The following IGF2BP2 variants were observed in gnomAD, a reference collection of about 807,000 sequenced individuals.
IGF2BP2 encodes insulin-like growth factor 2 mRNA-binding protein 2.
IGF2BP2 carries 17 observed loss-of-function variants against 75.8 expected under a neutral mutation model. The observed-to-expected ratio is 0.22, with a 90% CI of 0.15 to 0.34. The LOEUF is 0.34. Ranked by LOEUF, IGF2BP2 falls within the 10% of genes least tolerant of loss-of-function variation. The pLI, the probability that IGF2BP2 is intolerant of heterozygous loss-of-function variation, is 1.00. For synonymous variants in IGF2BP2, 288 were observed against 295.6 expected (o/e 0.97, Z 0.26); for missense variants, 516 against 772.4 (o/e 0.67, Z 3.93).
At chr3:185,750,683 G>A (rs1180713699) in intron 2 of IGF2BP2, among the ~76,000 whole-genome samples, 2 of 152,178 alleles carry the variant, frequency 1.3e-5, no homozygotes, top group South Asian at 2.1e-4. Flanking sequence ...AAAAGATTAC[G>A]TGCAATCCTC....
Position 185,652,089 on chromosome 3 carries a change from C to A in IGF2BP2, c.1461+5G>T. The A allele has an allele frequency of 6.2e-7, 1 of 1,611,680 alleles. No individual in the cohort carries two copies. The highest frequency in any genetic ancestry group is 8.5e-7 in the Non-Finnish European group (1 of 1,178,412). ...TGCAGGGCTGAGGTGTCCCTTGGCA[C>A]TAACCTTGAACTGGGCTTCCGGTGG... is the stretch of plus-strand genomic sequence containing the variant. On this transcript the variant is annotated splice_donor_5th_base_variant and intron_variant, in intron 13 of 15. Coordinates refer to ENST00000382199, the MANE Select transcript of IGF2BP2 (RefSeq NM_006548.6).
intron 2 of IGF2BP2, chr3:185,724,403 T>TC (rs1469883053): frequency 6.6e-6 from 1 of 152,176 alleles, no homozygotes; most frequent in Non-Finnish European, 1.5e-5. Flanking sequence ...ATAACTGCTA[T>TC]CCCTTTTTTC....
intron 9 of IGF2BP2, among the ~76,000 whole-genome samples, chr3:185,674,801 A>G (rs1438274510): frequency 6.6e-6 from 1 of 152,058 alleles, no homozygotes; most frequent in Admixed American, 6.6e-5. Context: ...GCTGTTTTAC[A>G]TAATTGTAAA....
intron 11 of IGF2BP2, among the ~76,000 whole-genome samples, chr3:185,658,053 C>A (rs1715735812): frequency 6.6e-6 from 1 of 152,176 alleles, no homozygotes. Flanking sequence ...GCCAACAGCA[C>A]GTGCTCATCT....
chr3:185,668,783 AGAT>A (rs1362727850), intron 10 of IGF2BP2, among the ~76,000 whole-genome samples: 9 of 152,088 alleles, frequency 5.9e-5, no homozygotes, highest in South Asian at 2.1e-4. Flanking sequence ...TGAAATAAAA[AGAT>A]GATAACAGCA....
chr3:185,820,952 C>G, intron 2 of IGF2BP2: 4 of 1,507,548 alleles, frequency 2.7e-6, no homozygotes, highest in Non-Finnish European at 3.5e-6. Context: ...AAATGCAACA[C>G]AAGAACACCA....
At chr3:185,756,609 T>C (rs1365803127) in intron 2 of IGF2BP2, among the ~76,000 whole-genome samples, 3 of 152,194 alleles carry the variant, frequency 2.0e-5, no homozygotes, top group Non-Finnish European at 4.4e-5. Flanking sequence ...AGCTCTTAAC[T>C]GGCCTCCCAT....
intron 2 of IGF2BP2, among the ~76,000 whole-genome samples, chr3:185,725,792 T>G (rs1727238611): frequency 6.6e-6 from 1 of 152,080 alleles, no homozygotes; most frequent in Non-Finnish European, 1.5e-5. Context: ...GGCAACATAT[T>G]GAGACCCCAA....
At chr3:185,667,470 T>C (rs1171527511) in intron 10 of IGF2BP2, among the ~76,000 whole-genome samples, 1 of 152,142 alleles carries the variant, frequency 6.6e-6, no homozygotes, top group East Asian at 1.9e-4. Flanking sequence ...CTGGGCAACA[T>C]AGCACGGTCT....
At chr3:185,710,152 ATTTTT>A (rs567527407) in intron 2 of IGF2BP2, among the ~76,000 whole-genome samples, 2 of 117,548 alleles carry the variant, frequency 1.7e-5, no homozygotes, top group African/African-American at 6.6e-5. Context: ...GTAGTTTTAG[ATTTTT>A]TTTTTTTTTT....
intron 2 of IGF2BP2, among the ~76,000 whole-genome samples, chr3:185,705,179 C>A (rs1387577167): frequency 4.6e-5 from 7 of 152,358 alleles, no homozygotes; most frequent in East Asian, 3.9e-4. Context: ...TCACTGCAAC[C>A]TCCGCCTCCC....
At chr3:185,739,321 A>G (rs1317909128) in intron 2 of IGF2BP2, among the ~76,000 whole-genome samples, 2 of 152,184 alleles carry the variant, frequency 1.3e-5, no homozygotes, top group Non-Finnish European at 2.9e-5. Context: ...TTTAAACAGA[A>G]TTGGCAGAAA....
At chr3:185,743,422 C>T (rs1002990272) in intron 2 of IGF2BP2, among the ~76,000 whole-genome samples, 9 of 152,120 alleles carry the variant, frequency 5.9e-5, no homozygotes, top group South Asian at 2.1e-4. Context: ...ATTACAGGTG[C>T]GTGTCACCAC....
chr3:185,743,589 T>C (rs1343556778), intron 2 of IGF2BP2, among the ~76,000 whole-genome samples: 2 of 152,254 alleles, frequency 1.3e-5, no homozygotes, highest in African/African-American at 4.8e-5. Context: ...ATTTTAATTA[T>C]TTAATGATAC....
intron 10 of IGF2BP2, among the ~76,000 whole-genome samples, chr3:185,659,021 C>A (rs180768314): frequency 6.6e-6 from 1 of 151,950 alleles, no homozygotes; most frequent in African/African-American, 2.4e-5. Flanking sequence ...TTGAGACTAG[C>A]CTGGGTGACA....
intron 2 of IGF2BP2, among the ~76,000 whole-genome samples, chr3:185,730,626 G>A (rs559801001): frequency 7.2e-5 from 11 of 151,998 alleles, no homozygotes; most frequent in Admixed American, 5.2e-4. Flanking sequence ...TAGAGACCGG[G>A]TTTCTCCATG....
At chr3:185,648,258 A>T (rs1014270660) in intron 14 of IGF2BP2, among the ~76,000 whole-genome samples, 1 of 152,058 alleles carries the variant, frequency 6.6e-6, no homozygotes, top group Non-Finnish European at 1.5e-5. Context: ...GGAGTTCGAG[A>T]CCAGCCTGAC....
intron 10 of IGF2BP2, among the ~76,000 whole-genome samples, chr3:185,659,285 AGAGAG>A (rs1468978130): frequency 1.3e-5 from 2 of 152,120 alleles, no homozygotes; most frequent in African/African-American, 2.4e-5. Flanking sequence ...GAATGTGGAG[AGAGAG>A]GAGCAGGGAA....
chr3:185,808,837 G>A (rs772056855), intron 2 of IGF2BP2, among the ~76,000 whole-genome samples: 1 of 151,956 alleles, frequency 6.6e-6, no homozygotes, highest in Admixed American at 6.6e-5. Context: ...CAAAGTGCTG[G>A]GATTACAGGC....
Sources: allele counts gnomAD v4.1 joint callset (sites outside exome capture counted in the v4.1 genomes callset), GRCh38; gene constraint gnomAD v4.1.1; transcripts MANE v1.5; gene names NCBI Gene and HGNC (gene_info 2026-07-23, HGNC 2026-07-21).